The following PDE1C variants were observed in gnomAD, a reference collection of about 807,000 sequenced individuals.
The protein encoded by PDE1C is dual specificity calcium/calmodulin-dependent 3',5'-cyclic nucleotide phosphodiesterase 1C.
PDE1C carries 62 observed loss-of-function variants against 93.1 expected under a neutral mutation model. That is an observed-to-expected ratio of 0.67 (90% CI 0.54 to 0.82). The LOEUF (loss-of-function observed/expected upper bound fraction) is 0.82. Ranked by LOEUF, PDE1C falls within the 40% of genes least tolerant of loss-of-function variation. The pLI is 0.00. For synonymous variants in PDE1C, 325 were observed against 310.1 expected (o/e 1.05, Z -0.50); for missense variants, 742 against 884.6 (o/e 0.84, Z 2.04).
intron 1 of PDE1C, among the ~76,000 whole-genome samples, chr7:32,400,162 A>T (rs1784916567): frequency 6.6e-6 from 1 of 152,206 alleles, no homozygotes; most frequent in Non-Finnish European, 1.5e-5. Context: ...TATTATTATT[A>T]ATTCCCCAAC....
chr7:32,216,074 G>C (rs1806407686), intron 1 of PDE1C, among the ~76,000 whole-genome samples: 1 of 152,188 alleles, frequency 6.6e-6, no homozygotes, highest in Admixed American at 6.5e-5. Context: ...GACTATAGAA[G>C]GTGAAGCTTG....
chr7:31,622,348 T>G, the PDE1C span, among the ~76,000 whole-genome samples: 1 of 152,102 alleles, frequency 6.6e-6, no homozygotes, highest in African/African-American at 2.4e-5. Flanking sequence ...ATTGACCAGA[T>G]AGTTGGAAGT....
intron 1 of PDE1C, among the ~76,000 whole-genome samples, chr7:32,066,265 A>G (rs1000853069): frequency 2.0e-5 from 3 of 152,174 alleles, no homozygotes; most frequent in African/African-American, 7.2e-5. Context: ...AGAGTCTGTT[A>G]GCATAGTAAG....
intron 16 of PDE1C, among the ~76,000 whole-genome samples, chr7:31,779,531 C>T (rs1023765948): frequency 2.6e-5 from 4 of 152,166 alleles, no homozygotes; most frequent in Admixed American, 2.6e-4. Context: ...AGTGAAAAAG[C>T]AGAACTACAA....
intron 16 of PDE1C, among the ~76,000 whole-genome samples, chr7:31,781,091 T>C (rs1197862469): frequency 6.6e-6 from 1 of 152,054 alleles, no homozygotes. Context: ...TCATCAAGAG[T>C]GTGGAGAAGA....
intron 2 of PDE1C, among the ~76,000 whole-genome samples, chr7:31,925,390 A>G (rs4723113): frequency 0.36 from 54,793 of 151,998 alleles, 11,072 homozygotes; most frequent in East Asian, 0.46. Context: ...ACTAGGGAAG[A>G]CAGTGGTTCA....
intron 1 of PDE1C, among the ~76,000 whole-genome samples, chr7:32,248,773 T>A (rs1377430948): frequency 3.9e-5 from 6 of 152,170 alleles, no homozygotes; most frequent in Non-Finnish European, 2.9e-5. Context: ...ATCACACCGA[T>A]GAGGAAAAAT....
intron 1 of PDE1C, among the ~76,000 whole-genome samples, chr7:32,324,209 T>C (rs771157542): frequency 6.6e-6 from 1 of 152,226 alleles, no homozygotes; most frequent in Non-Finnish European, 1.5e-5. Flanking sequence ...CTCATGCTAT[T>C]ATATGGCCCA....
At chr7:32,249,914 T>A (rs1449863160) in intron 1 of PDE1C, among the ~76,000 whole-genome samples, 2 of 152,152 alleles carry the variant, frequency 1.3e-5, no homozygotes, top group Admixed American at 6.5e-5. Flanking sequence ...TAAGGTAGAG[T>A]ATCAAATAAA....
chr7:32,222,053 T>G (rs1168438558), intron 1 of PDE1C, among the ~76,000 whole-genome samples: 1 of 152,114 alleles, frequency 6.6e-6, no homozygotes, highest in Non-Finnish European at 1.5e-5. Context: ...AGCCACAACT[T>G]CACTTGAGGT....
the PDE1C span, among the ~76,000 whole-genome samples, chr7:31,657,926 G>A: frequency 3.9e-5 from 6 of 152,092 alleles, no homozygotes; most frequent in Non-Finnish European, 7.4e-5. Flanking sequence ...AAGGAAAAAC[G>A]TGGCCTCTTC....
chr7:31,985,839 G>T (rs1783332293), intron 2 of PDE1C, among the ~76,000 whole-genome samples: 1 of 152,110 alleles, frequency 6.6e-6, no homozygotes, highest in Non-Finnish European at 1.5e-5. Context: ...ATTTGGGTTG[G>T]TTCCAAGTCT....
At position 31,751,700 on chromosome 7, in the gene PDE1C, T is replaced by C. The variant is rs1794146670; in HGVS notation, c.*1684A>G. 1 of 152,168 alleles carries C rather than the reference T, an allele frequency of 6.6e-6. No homozygotes were observed. The highest frequency in any genetic ancestry group is 2.4e-5 in the African/African-American group (1 of 41,436). 9.4% of individuals were successfully genotyped at this position (152,168 alleles called of 1,614,324 possible). On this transcript the variant is annotated 3_prime_UTR_variant, in exon 18 of 18. Transcript: ENST00000396191. Reference sequence around the variant, plus strand: ...CTCCTTAACGAAAAGTCACAATGATTCGTCTTTTTGTATAGCAATTAAATT... The same window carrying C: ...CTCCTTAACGAAAAGTCACAATGATCCGTCTTTTTGTATAGCAATTAAATT...
chr7:32,145,947 C>A (rs118065298), intron 3 of PDE1C, among the ~76,000 whole-genome samples: 4,599 of 152,218 alleles, frequency 0.03, 84 homozygotes, highest in Non-Finnish European at 0.045. Flanking sequence ...TACCCTCAAT[C>A]TGAGAACTGG....
At chr7:32,123,833 G>A (rs61125858) in intron 3 of PDE1C, among the ~76,000 whole-genome samples, 3,561 of 152,090 alleles carry the variant, frequency 0.023, 130 homozygotes, top group African/African-American at 0.08. Context: ...CCTATTCAAC[G>A]CAGTATTGGA....
chr7:32,221,723 G>T (rs1378713619), intron 1 of PDE1C, among the ~76,000 whole-genome samples: 6 of 138,648 alleles, frequency 4.3e-5, no homozygotes, highest in Non-Finnish European at 9.7e-5. Context: ...AATTCTCTTG[G>T]TTTTTCTTCA....
intron 17 of PDE1C, among the ~76,000 whole-genome samples, chr7:31,771,050 G>T (rs997842286): frequency 2.0e-5 from 3 of 151,870 alleles, no homozygotes; most frequent in Non-Finnish European, 4.4e-5. Context: ...GCTTTCTTGG[G>T]TTTGTACAAT....
intron 2 of PDE1C, among the ~76,000 whole-genome samples, chr7:32,013,243 A>G (rs1787407201): frequency 6.6e-6 from 1 of 152,208 alleles, no homozygotes. Flanking sequence ...CTCCCCTACT[A>G]GAAACACAAA....
intron 2 of PDE1C, among the ~76,000 whole-genome samples, chr7:31,982,084 A>G (rs1426238594): frequency 6.6e-6 from 1 of 152,224 alleles, no homozygotes; most frequent in African/African-American, 2.4e-5. Context: ...AGTGCACAGT[A>G]GAGCACTGTG....
Sources: gnomAD v4.1 joint callset for allele counts (sites outside exome capture counted in the v4.1 genomes callset) on GRCh38, gnomAD v4.1.1 for gene constraint, MANE v1.5 for transcripts, NCBI Gene and HGNC (gene_info 2026-07-23, HGNC 2026-07-21) for gene names.